TMPRSS15: variants seen among roughly 807,000 people sequenced by gnomAD.
TMPRSS15 encodes the protein enteropeptidase.
A neutral mutation model predicts 125.3 loss-of-function variants in TMPRSS15; 128 were observed. That is an observed-to-expected ratio of 1.02 (90% CI 0.89 to 1.18). The LOEUF (loss-of-function observed/expected upper bound fraction) is 1.18. Ranked by LOEUF, TMPRSS15 falls within the 50% of genes most tolerant of loss-of-function variation. The pLI, the probability that TMPRSS15 is intolerant of heterozygous loss-of-function variation, is 0.00. For missense variants in TMPRSS15, 1,283 were observed against 1,212.7 expected, an observed-to-expected ratio of 1.06 and a Z score of -0.86; for synonymous variants, 446 against 423.2, an observed-to-expected ratio of 1.05 and a Z score of -0.66.
chr21:18,377,841 C>T (rs1449963993), intron 5 of TMPRSS15, among the ~76,000 whole-genome samples: 2 of 152,142 alleles, frequency 1.3e-5, no homozygotes, highest in African/African-American at 4.8e-5. Flanking sequence ...TCTGACCCCT[C>T]ATTCATCATT....
intron 12 of TMPRSS15, among the ~76,000 whole-genome samples, chr21:18,341,834 T>A (rs1157887012): frequency 6.6e-6 from 1 of 152,236 alleles, no homozygotes. Flanking sequence ...TCTGTCTGTG[T>A]CTCTCTTATG....
intron 6 of TMPRSS15, among the ~76,000 whole-genome samples, chr21:18,369,644 A>C (rs1016220233): frequency 3.3e-5 from 5 of 152,084 alleles, no homozygotes; most frequent in Admixed American, 1.3e-4. Flanking sequence ...AAAAATAAAT[A>C]AATCAATAAG....
At chr21:18,414,648 C>G (rs8127683) in intron 1 of TMPRSS15, among the ~76,000 whole-genome samples, 49,185 of 152,032 alleles carry the variant, frequency 0.32, 9,702 homozygotes, top group Middle Eastern at 0.52. Context: ...AGCATAATGC[C>G]TTCCAGGTTC....
intron 1 of TMPRSS15, chr21:18,477,853 G>A (rs1978907600): frequency 6.6e-6 from 1 of 151,966 alleles, no homozygotes; most frequent in Admixed American, 6.6e-5. Context: ...CCAATTATAT[G>A]CCCATTTTCA....
chr21:18,304,389 G>T (rs941843940), intron 18 of TMPRSS15, among the ~76,000 whole-genome samples: 2 of 152,126 alleles, frequency 1.3e-5, no homozygotes, highest in Non-Finnish European at 2.9e-5. Context: ...GATCGTGCGT[G>T]TCTTGACTAC....
intron 1 of TMPRSS15, among the ~76,000 whole-genome samples, chr21:18,436,399 C>T (rs2076227986): frequency 6.6e-6 from 1 of 152,038 alleles, no homozygotes; most frequent in African/African-American, 2.4e-5. Context: ...ACCCAGTAGT[C>T]ATTCAGGAGC....
intron 4 of TMPRSS15, among the ~76,000 whole-genome samples, chr21:18,380,335 T>C (rs1399673231): frequency 6.6e-6 from 1 of 152,050 alleles, no homozygotes; most frequent in Non-Finnish European, 1.5e-5. Flanking sequence ...AAATTGGAAA[T>C]GTATATCCTT....
chr21:18,325,072 CCACACA>C (rs150514804), intron 16 of TMPRSS15, among the ~76,000 whole-genome samples: 6 of 149,514 alleles, frequency 4.0e-5, no homozygotes, highest in South Asian at 2.1e-4. Flanking sequence ...TAAATTCTCG[CCACACA>C]CACACACACA....
rs773813443 is a variant in TMPRSS15, at chr21:18,398,318, C to T, written c.157G>A (p.Gly53Arg). 1 of 1,613,600 alleles carries T rather than the reference C, an allele frequency of 6.2e-7. No individual in the cohort carries two copies. The highest frequency in any genetic ancestry group is 1.1e-5 in the South Asian group (1 of 91,056). Residue 53 changes from glycine (G) to arginine (R), a missense_variant, in exon 2 of 25, where the codon GGA becomes AGA. Gly to Arg is a moderately radical substitution (Grantham distance 125). Transcript: ENST00000284885. ...GTCGCTCTGGCTTCATGACTCTGTC[C>T]AAGTGCTGCACCTAGATAAATTAAT... is the stretch of plus-strand genomic sequence containing the variant. ...IKESQRGAAL[G>R]QSHEARATFK... is the part of the protein sequence containing the mutation.
chr21:18,290,823 TA>T (rs1285754506), intron 21 of TMPRSS15, among the ~76,000 whole-genome samples: 1 of 84,906 alleles, frequency 1.2e-5, no homozygotes, highest in Non-Finnish European at 2.6e-5. Context: ...TCTAACCTAC[TA>T]CGAAATTGTT....
At chr21:18,276,766 T>C (rs936305825) in intron 23 of TMPRSS15, among the ~76,000 whole-genome samples, 16 of 150,050 alleles carry the variant, frequency 1.1e-4, no homozygotes, top group Non-Finnish European at 1.6e-4. Context: ...TTTTTTTTTT[T>C]TTTTTTTTTT....
At chr21:18,354,326 G>A (rs968871104) in intron 8 of TMPRSS15, among the ~76,000 whole-genome samples, 11 of 151,590 alleles carry the variant, frequency 7.3e-5, no homozygotes, top group Admixed American at 2.0e-4. Context: ...GTAACTATAC[G>A]ACCTCAAAAT....
At chr21:18,307,836 G>C (rs2075053589) in intron 18 of TMPRSS15, among the ~76,000 whole-genome samples, 1 of 152,076 alleles carries the variant, frequency 6.6e-6, no homozygotes, top group Admixed American at 6.6e-5. Context: ...TGATCATTTT[G>C]ACCTTTGTGA....
Position 18,437,170 on chromosome 21 carries a change from G to A in TMPRSS15, c.11-38841C>T, listed in dbSNP as rs535168893. On this transcript the variant is annotated intron_variant, in intron 1 of 7. Coordinates refer to the TMPRSS15 transcript ENST00000422787. ...GAACAGAGCCCTCAGAGATAACGCC[G>A]CATATCTACAACTATCTGATCTTTG... Among the ~76,000 whole-genome samples the A allele has an allele frequency of 1.6e-3, 235 of 149,902 alleles. 2 individuals carry two copies. Among genetic ancestry groups the A allele is most frequent in the African/African-American group, 5.1e-3 (208 of 40,966 alleles).
intron 1 of TMPRSS15, among the ~76,000 whole-genome samples, chr21:18,400,441 C>T (rs768591378): frequency 6.6e-6 from 1 of 152,070 alleles, no homozygotes; most frequent in Non-Finnish European, 1.5e-5. Flanking sequence ...CTACAGCCAT[C>T]TAATCTTTAA....
chr21:18,314,927 G>A (rs780113238), intron 17 of TMPRSS15, among the ~76,000 whole-genome samples: 3 of 152,116 alleles, frequency 2.0e-5, no homozygotes, highest in Non-Finnish European at 4.4e-5. Context: ...TAATAAGTGT[G>A]ACCAAATTGA....
At chr21:18,465,640 A>G (rs916985168) in intron 1 of TMPRSS15, among the ~76,000 whole-genome samples, 1 of 152,224 alleles carries the variant, frequency 6.6e-6, no homozygotes, top group Non-Finnish European at 1.5e-5. Flanking sequence ...GAGCCAAATC[A>G]TGAGTGAACT....
chr21:18,328,266 AAG>A (rs528665945), intron 15 of TMPRSS15, among the ~76,000 whole-genome samples: 230 of 152,314 alleles, frequency 1.5e-3, no homozygotes, highest in Non-Finnish European at 2.7e-3. Context: ...ATAAATAAAA[AAG>A]AAAAATAAAC....
chr21:18,423,464 A>T (rs1009991502), intron 1 of TMPRSS15, among the ~76,000 whole-genome samples: 2 of 147,850 alleles, frequency 1.4e-5, no homozygotes, highest in Non-Finnish European at 3.0e-5. Flanking sequence ...GCTGGAGTGC[A>T]GTGGCGCGAT....
Sources: allele counts gnomAD v4.1 joint callset (sites outside exome capture counted in the v4.1 genomes callset), GRCh38; gene constraint gnomAD v4.1.1; transcripts MANE v1.5; gene names NCBI Gene and HGNC (gene_info 2026-07-23, HGNC 2026-07-21).